Variants in PDE7B observed in about 807,000 individuals in gnomAD.
PDE7B encodes phosphodiesterase 7B.
Under a neutral mutation model 56.2 loss-of-function variants are expected in PDE7B, and 29 were observed. The ratio of observed to expected loss-of-function variants is 0.52; its 90% CI spans 0.38 to 0.70. The LOEUF (loss-of-function observed/expected upper bound fraction) is 0.70. PDE7B is among the 30% of genes least tolerant of loss of function. The pLI, the probability that PDE7B is intolerant of heterozygous loss-of-function variation, is 0.00. For synonymous variants in PDE7B, 197 were observed against 196.9 expected, an observed-to-expected ratio of 1.00 and a Z score of 0.00; for missense variants, 490 against 565.0, an observed-to-expected ratio of 0.87 and a Z score of 1.35.
chr6:136,081,107 C>T (rs1459774126), intron 2 of PDE7B, among the ~76,000 whole-genome samples: 1 of 152,054 alleles, frequency 6.6e-6, no homozygotes, highest in Non-Finnish European at 1.5e-5. Context: ...TGAGGAGAGG[C>T]CCTTTATTTC....
chr6:136,078,465 A>G (rs1036332338), intron 2 of PDE7B, among the ~76,000 whole-genome samples: 30 of 152,106 alleles, frequency 2.0e-4, no homozygotes, highest in African/African-American at 6.3e-4. Flanking sequence ...CTGTCTAGTT[A>G]ATTCCTTTAA....
At chr6:135,884,405 A>G (rs1775665500) in intron 1 of PDE7B, among the ~76,000 whole-genome samples, 1 of 152,176 alleles carries the variant, frequency 6.6e-6, no homozygotes, top group African/African-American at 2.4e-5. Context: ...ACATATGATC[A>G]TTACAATTCT....
intron 3 of PDE7B, among the ~76,000 whole-genome samples, chr6:136,135,045 G>C (rs73565093): frequency 0.051 from 7,828 of 152,052 alleles, 681 homozygotes; most frequent in African/African-American, 0.18. Flanking sequence ...TCCTCCCCCT[G>C]CTCCTCCCAC....
At chr6:135,899,548 G>A (rs1024842055) in intron 1 of PDE7B, among the ~76,000 whole-genome samples, 1 of 151,634 alleles carries the variant, frequency 6.6e-6, no homozygotes, top group African/African-American at 2.4e-5. Context: ...GAGTAAACAT[G>A]TTCTAAAGTG....
chr6:135,887,313 A>G (rs1775727375), intron 1 of PDE7B, among the ~76,000 whole-genome samples: 1 of 152,128 alleles, frequency 6.6e-6, no homozygotes, highest in Non-Finnish European at 1.5e-5. Context: ...CTGAGCATTT[A>G]TACTGTGCAA....
chr6:136,168,037 A>G (rs1778823054), intron 8 of PDE7B, among the ~76,000 whole-genome samples: 1 of 152,186 alleles, frequency 6.6e-6, no homozygotes, highest in Admixed American at 6.5e-5. Context: ...ATTTGAAGTG[A>G]ACTTTGAAAG....
At chr6:135,964,738 A>C (rs1467981185) in intron 2 of PDE7B, among the ~76,000 whole-genome samples, 1 of 152,208 alleles carries the variant, frequency 6.6e-6, no homozygotes, top group South Asian at 2.1e-4. Context: ...CACCAGAAAA[A>C]CAGTAGTGAA....
chr6:135,882,895 C>G (rs778702337), intron 1 of PDE7B, among the ~76,000 whole-genome samples: 10 of 152,150 alleles, frequency 6.6e-5, no homozygotes, highest in Non-Finnish European at 1.3e-4. Flanking sequence ...TTTTCTATTA[C>G]AAAGAGCTGA....
chr6:136,105,844 A>T (rs1484187383), intron 2 of PDE7B, among the ~76,000 whole-genome samples: 3 of 152,186 alleles, frequency 2.0e-5, no homozygotes. Context: ...ACTTTACGTA[A>T]TAATGGGCCT....
chr6:135,949,971 T>G (rs1475192938), intron 2 of PDE7B, among the ~76,000 whole-genome samples: 1 of 152,130 alleles, frequency 6.6e-6, no homozygotes, highest in Admixed American at 6.6e-5. Context: ...TTGCTGCAAC[T>G]TTTAATTCAG....
At chr6:136,005,984 A>G (rs541286275) in intron 2 of PDE7B, among the ~76,000 whole-genome samples, 6 of 152,070 alleles carry the variant, frequency 3.9e-5, no homozygotes, top group Admixed American at 3.3e-4. Flanking sequence ...GACTGGATTA[A>G]GAAAATGTGG....
chr6:135,880,539 T>C (rs1775589064), intron 1 of PDE7B, among the ~76,000 whole-genome samples: 1 of 152,128 alleles, frequency 6.6e-6, no homozygotes, highest in Admixed American at 6.6e-5. Context: ...GGCCTCAGAT[T>C]GGCAGTAGAA....
At chr6:135,906,819 T>TTTTTTTTTTTTTTTGTTTTTG (rs1776119142) in intron 1 of PDE7B, among the ~76,000 whole-genome samples, 1 of 145,186 alleles carries the variant, frequency 6.9e-6, no homozygotes, top group Non-Finnish European at 1.5e-5. Flanking sequence ...TGTTTTTTTT[T>TTTTTTTTTTTTTTTGTTTTTG]TTTTTTTTTT....
intron 1 of PDE7B, among the ~76,000 whole-genome samples, chr6:135,877,752 CAAAAAAAAA>C (rs75061563): frequency 0.019 from 1,680 of 89,174 alleles, 35 homozygotes; most frequent in African/African-American, 0.045. Flanking sequence ...CAAAACAAAA[CAAAAAAAAA>C]AAAAAAGGGA....
At chr6:135,900,772 A>G (rs1208298068) in intron 1 of PDE7B, among the ~76,000 whole-genome samples, 2 of 151,944 alleles carry the variant, frequency 1.3e-5, no homozygotes, top group African/African-American at 4.8e-5. Context: ...AGACTGACAT[A>G]CTCAGTATTT....
intron 2 of PDE7B, among the ~76,000 whole-genome samples, chr6:136,035,962 T>C (rs1224336826): frequency 1.3e-5 from 2 of 152,250 alleles, no homozygotes; most frequent in African/African-American, 4.8e-5. Context: ...TGCTAAGTAC[T>C]ATTGCAAAAT....
intron 2 of PDE7B, among the ~76,000 whole-genome samples, chr6:135,968,391 T>G (rs1028291949): frequency 3.9e-5 from 6 of 152,014 alleles, no homozygotes; most frequent in Non-Finnish European, 2.9e-5. Flanking sequence ...GAGAGAAAAT[T>G]TTTGCAATCT....
intron 2 of PDE7B, among the ~76,000 whole-genome samples, chr6:136,082,169 T>A (rs1460573242): frequency 3.9e-5 from 6 of 152,182 alleles, no homozygotes; most frequent in Non-Finnish European, 7.3e-5. Flanking sequence ...TTGATGTCAA[T>A]GGGAATTACA....
intron 2 of PDE7B, among the ~76,000 whole-genome samples, chr6:136,004,583 T>C (rs1324419717): frequency 2.0e-5 from 3 of 151,548 alleles, no homozygotes; most frequent in Admixed American, 6.6e-5. Flanking sequence ...AGCCAAATCA[T>C]GAGTGAACTC....
Sources: gnomAD v4.1 joint callset for allele counts (sites outside exome capture counted in the v4.1 genomes callset) on GRCh38, gnomAD v4.1.1 for gene constraint, MANE v1.5 for transcripts, NCBI Gene and HGNC (gene_info 2026-07-23, HGNC 2026-07-21) for gene names.